The following SIPA1L1 variants were observed in gnomAD, a reference collection of about 807,000 sequenced individuals.
SIPA1L1 encodes signal induced proliferation associated 1 like 1.
SIPA1L1 carries 26 observed loss-of-function variants against 162.7 expected under a neutral mutation model. The ratio of observed to expected loss-of-function variants is 0.16; its 90% CI spans 0.12 to 0.22. The LOEUF is 0.22. SIPA1L1 is among the 10% of genes least tolerant of loss of function. SIPA1L1 has a pLI of 1.00. For missense variants in SIPA1L1, 1,874 were observed against 2,241.0 expected, an observed-to-expected ratio of 0.84 and a Z score of 3.31; for synonymous variants, 829 against 837.4, an observed-to-expected ratio of 0.99 and a Z score of 0.17.
intron 19 of SIPA1L1, among the ~76,000 whole-genome samples, chr14:71,725,105 A>G (rs1462978459): frequency 2.0e-5 from 3 of 152,236 alleles, no homozygotes; most frequent in Admixed American, 6.5e-5. Context: ...CTCAGAGTGC[A>G]TGATTCCCTG....
chr14:71,505,970 CA>C lies in SIPA1L1; in HGVS notation c.-464-6763del, dbSNP rs199775849. On this transcript the variant is annotated intron_variant, in intron 2 of 23. Coordinates refer to ENST00000381232, the MANE Select transcript of SIPA1L1 (RefSeq NM_001386936.1). Reference sequence around the variant, plus strand: ...TGGATATGCAAATATTCCCCCCCCCCAAAAAAAAAATCCCCACGAAAACGTA... The same window carrying C: ...TGGATATGCAAATATTCCCCCCCCCCAAAAAAAAATCCCCACGAAAACGTA... Among the ~76,000 whole-genome samples the C allele has an allele frequency of 4.0e-3, 565 of 142,670 alleles. 1 individual carries two copies. The highest frequency in any genetic ancestry group is 0.026 in the East Asian group (123 of 4,770). The allele number at this position is 142,670 out of a possible 152,430, so 93.6% of individuals were successfully genotyped here.
chr14:71,577,314 T>C (rs2033204917), intron 4 of SIPA1L1, among the ~76,000 whole-genome samples: 1 of 152,046 alleles, frequency 6.6e-6, no homozygotes, highest in South Asian at 2.1e-4. Context: ...AAGTAGTTTT[T>C]CTACCATAAA....
rs765106790 is a variant in SIPA1L1, at chr14:71,446,894, G to GTTTTTTT, written c.-464-65844_-464-65838dup. Reference sequence around the variant, plus strand: ...CTGCAAATAAAGAGAGATGGGCTCTGTTTTTTTTTTTGTTTTTTTTTTTTT... The same window carrying GTTTTTTT: ...CTGCAAATAAAGAGAGATGGGCTCTGTTTTTTTTTTTTTTTTTTGTTTTTTTTTTTTT... On this transcript the variant is annotated intron_variant, in intron 2 of 23. Coordinates refer to ENST00000381232, the MANE Select transcript of SIPA1L1 (RefSeq NM_001386936.1). Among the ~76,000 whole-genome samples, 174 of 87,392 alleles carry GTTTTTTT rather than the reference G, an allele frequency of 2.0e-3. 16 individuals carry two copies. Among genetic ancestry groups the GTTTTTTT allele is most frequent in the East Asian group, 5.3e-3 (13 of 2,452 alleles). 57.3% of individuals were successfully genotyped at this position (87,392 alleles called of 152,430 possible).
At chr14:71,511,299 CCTTTT>C (rs2051129029) in intron 2 of SIPA1L1, among the ~76,000 whole-genome samples, 1 of 152,000 alleles carries the variant, frequency 6.6e-6, no homozygotes, top group Admixed American at 6.6e-5. Context: ...CCCCGCCTTT[CCTTTT>C]GAGACAGGGT....
chr14:71,409,730 TG>T (rs1297195212), intron 2 of SIPA1L1, among the ~76,000 whole-genome samples: 1 of 152,216 alleles, frequency 6.6e-6, no homozygotes, highest in Non-Finnish European at 1.5e-5. Context: ...CACTAAACTC[TG>T]GGAGTGATAG....
At chr14:71,454,859 G>A (rs34991781) in intron 2 of SIPA1L1, among the ~76,000 whole-genome samples, 28,114 of 152,112 alleles carry the variant, frequency 0.18, 3,103 homozygotes, top group Middle Eastern at 0.36. Context: ...GTGTCACTGC[G>A]GTTACTCCCT....
intron 17 of SIPA1L1, among the ~76,000 whole-genome samples, chr14:71,713,561 G>A (rs1436773734): frequency 6.6e-6 from 1 of 152,214 alleles, no homozygotes; most frequent in Non-Finnish European, 1.5e-5. Flanking sequence ...CAAGAAAAAT[G>A]CCTGCCCACA....
At chr14:71,581,516 G>A (rs35169957) in intron 4 of SIPA1L1, among the ~76,000 whole-genome samples, 45,784 of 151,932 alleles carry the variant, frequency 0.3, 7,698 homozygotes, top group East Asian at 0.68. Context: ...TTGTCCCGGG[G>A]CATCTATTTC....
chr14:71,488,366 G>A (rs1006790104), intron 2 of SIPA1L1, among the ~76,000 whole-genome samples: 7 of 152,100 alleles, frequency 4.6e-5, no homozygotes, highest in Non-Finnish European at 1.5e-5. Context: ...AGGTGTATTT[G>A]TTTTAGAATT....
At chr14:71,689,751 T>A (rs2081118997) in intron 13 of SIPA1L1, among the ~76,000 whole-genome samples, 1 of 152,186 alleles carries the variant, frequency 6.6e-6, no homozygotes, top group African/African-American at 2.4e-5. Context: ...TCATTGTTAC[T>A]CCCCTTGAGA....
intron 8 of SIPA1L1, among the ~76,000 whole-genome samples, chr14:71,650,719 T>C (rs756058007): frequency 1.3e-5 from 2 of 152,148 alleles, no homozygotes; most frequent in Non-Finnish European, 2.9e-5. Flanking sequence ...AAAATAGTGT[T>C]GTCAGAGGTG....
Position 71,507,916 on chromosome 14 carries a change from G to A in SIPA1L1, c.-464-4827G>A, listed in dbSNP as rs564628837. Among the ~76,000 whole-genome samples the A allele has an allele frequency of 6.7e-4, 102 of 152,300 alleles. 1 individual carries two copies. The highest frequency in any genetic ancestry group is 2.4e-3 in the African/African-American group (99 of 41,550). ...AAACTTAAGTGCCTGCAGGGGCCTG[G>A]CAAACAATGGCAATGAGTAAAAGCA... On this transcript the variant is annotated intron_variant, in intron 2 of 23. Coordinates refer to ENST00000381232, the MANE Select transcript of SIPA1L1 (RefSeq NM_001386936.1).
At position 71,479,627 on chromosome 14, in the gene SIPA1L1, T is replaced by C. The variant is rs375755771; in HGVS notation, c.-464-33116T>C. Among the ~76,000 whole-genome samples, 31 of 152,272 alleles carry C rather than the reference T, an allele frequency of 2.0e-4. 1 individual carries two copies. The South Asian group carries it at 6.4e-3, about 32-fold the overall frequency. ...CTCACTATATTGCCCTGGCTGCTCT[T>C]GAACTCTTGAGCTCATGCATTCCTC... is the stretch of plus-strand genomic sequence containing the variant. On this transcript the variant is annotated intron_variant, in intron 2 of 23. Coordinates refer to ENST00000381232, the MANE Select transcript of SIPA1L1 (RefSeq NM_001386936.1).
chr14:71,603,943 A>T (rs1275095621), intron 5 of SIPA1L1, among the ~76,000 whole-genome samples: 205 of 144,312 alleles, frequency 1.4e-3, no homozygotes, highest in Non-Finnish European at 2.5e-3. Flanking sequence ...TTATATATCT[A>T]TATATATTTA....
chr14:71,737,937 C>A (rs2085447811), intron 22 of SIPA1L1, among the ~76,000 whole-genome samples: 1 of 152,096 alleles, frequency 6.6e-6, no homozygotes, highest in Non-Finnish European at 1.5e-5. Context: ...CCAGAAAGTA[C>A]CTCTTGTGCT....
chr14:71,618,784 A>C lies in SIPA1L1; in HGVS notation c.1526A>C (p.Glu509Ala). The change falls in exon 6 of 24, where the codon GAG (glutamate) becomes GCG (alanine). Residue 509 changes from glutamate (E) to alanine (A), a missense_variant. Glu to Ala is a moderately radical substitution (Grantham distance 107). This residue lies in a region of SIPA1L1 where 685 missense variants were observed against 828.0 expected (regional missense o/e 0.83). Transcript: ENST00000381232. ...KEHWNYFGAD[E>A]NLGPVAVSIR... is the part of the protein sequence containing the mutation. ...CACTGGAACTATTTTGGGGCTGATGAGAATCTTGGTCCAGTGGCTGTGAGC... is the reference window on the plus strand; with the variant it reads ...CACTGGAACTATTTTGGGGCTGATGCGAATCTTGGTCCAGTGGCTGTGAGC... 1 of 1,613,926 alleles carries C rather than the reference A, an allele frequency of 6.2e-7. No individual in the cohort carries two copies. The highest frequency in any genetic ancestry group is 8.5e-7 in the Non-Finnish European group (1 of 1,179,882).
At chr14:71,665,886 A>G (rs1461373145) in intron 10 of SIPA1L1, among the ~76,000 whole-genome samples, 1 of 152,228 alleles carries the variant, frequency 6.6e-6, no homozygotes, top group Non-Finnish European at 1.5e-5. Flanking sequence ...AATATACTTT[A>G]ATAATAGTTA....
intron 2 of SIPA1L1, among the ~76,000 whole-genome samples, chr14:71,442,764 TA>T (rs907273459): frequency 1.3e-4 from 20 of 151,686 alleles, no homozygotes; most frequent in Non-Finnish European, 2.7e-4. Flanking sequence ...CTTGTCTCTA[TA>T]AAAAAAATAA....
At chr14:71,593,188 G>GTTATTTATTTAT (rs60160795) in intron 5 of SIPA1L1, among the ~76,000 whole-genome samples, 23 of 147,018 alleles carry the variant, frequency 1.6e-4, no homozygotes, top group Admixed American at 6.1e-4. Context: ...TGTGTTTTGT[G>GTTATTTATTTAT]TTATTTATTT....
Sources: allele counts gnomAD v4.1 joint callset (sites outside exome capture counted in the v4.1 genomes callset), GRCh38; gene constraint gnomAD v4.1.1; regional missense constraint gnomAD v4.1.1; transcripts MANE v1.5; gene names NCBI Gene and HGNC (gene_info 2026-07-23, HGNC 2026-07-21).